Variants in CDH4 observed in about 807,000 individuals in gnomAD.
CDH4 encodes cadherin-4.
Under a neutral mutation model 86.0 loss-of-function variants are expected in CDH4, and 33 were observed. The observed-to-expected ratio is 0.38, with a 90% CI of 0.29 to 0.51. The LOEUF is 0.51. CDH4 is among the 20% of genes least tolerant of loss of function. The pLI, the probability that CDH4 is intolerant of heterozygous loss-of-function variation, is 0.86. For missense variants in CDH4, 1,114 were observed against 1,307.4 expected (o/e 0.85, Z 2.28); for synonymous variants, 555 against 549.4 (o/e 1.01, Z -0.14).
In CDH4 at chr20:61,519,909, A is replaced by G. The variant is rs140621104; in HGVS notation, c.170-223654A>G. On this transcript the variant is annotated intron_variant, in intron 2 of 15. Coordinates refer to ENST00000614565, the MANE Select transcript of CDH4 (RefSeq NM_001794.5). The stretch of plus-strand genomic sequence containing the variant: ...CCCACCTGAGACATGACTGCCTCGC[A>G]TTAGTGGTGCCCGCCGACTCTGCCC... Among the ~76,000 whole-genome samples the G allele has an allele frequency of 8.1e-3, 1,227 of 152,214 alleles. 18 individuals carry two copies. Among genetic ancestry groups the G allele is most frequent in the African/African-American group, 0.027 (1,130 of 41,540 alleles).
chr20:61,477,677 G>A (rs2085546678), intron 2 of CDH4, among the ~76,000 whole-genome samples: 1 of 152,202 alleles, frequency 6.6e-6, no homozygotes. Flanking sequence ...CCTCCCACAG[G>A]AGCCCATTCC....
At chr20:61,654,715 T>C (rs2087167974) in intron 2 of CDH4, among the ~76,000 whole-genome samples, 1 of 152,256 alleles carries the variant, frequency 6.6e-6, no homozygotes, top group Non-Finnish European at 1.5e-5. Flanking sequence ...CAAAGCAGGA[T>C]ACGAATTCTG....
intron 2 of CDH4, among the ~76,000 whole-genome samples, chr20:61,295,938 A>T (rs980148765): frequency 3.3e-5 from 5 of 152,202 alleles, no homozygotes; most frequent in African/African-American, 1.2e-4. Flanking sequence ...AGAGTGAGAA[A>T]GTGCCATGGG....
chr20:61,773,316 A>T, intron 4 of CDH4, 134 bp downstream of exon 4: 1 of 864,320 alleles, frequency 1.2e-6, no homozygotes, highest in Non-Finnish European at 1.7e-6. Flanking sequence ...TTCTGTAATG[A>T]GATAAGCCTT....
intron 2 of CDH4, among the ~76,000 whole-genome samples, chr20:61,713,847 C>T (rs1456046312): frequency 6.6e-6 from 1 of 152,148 alleles, no homozygotes; most frequent in East Asian, 1.9e-4. Flanking sequence ...TGTGGCTTTA[C>T]CAGTGACACC....
chr20:61,683,178 C>T lies in CDH4; in HGVS notation c.170-60385C>T, dbSNP rs6089472. On this transcript the variant is annotated intron_variant, in intron 2 of 15. Coordinates refer to ENST00000614565, the MANE Select transcript of CDH4 (RefSeq NM_001794.5). ...AGGCTGTGTGTGAATGTGCAGAGTACGGAGAAGTGCACGCAGCTGTACTCT... is the reference window on the plus strand; with the variant it reads ...AGGCTGTGTGTGAATGTGCAGAGTATGGAGAAGTGCACGCAGCTGTACTCT... Among the ~76,000 whole-genome samples, 1,197 of 152,152 alleles carry T rather than the reference C, an allele frequency of 7.9e-3. 15 individuals carry two copies. The highest frequency in any genetic ancestry group is 0.012 in the Non-Finnish European group (824 of 67,996).
intron 2 of CDH4, among the ~76,000 whole-genome samples, chr20:61,301,049 C>A (rs1220331128): frequency 6.6e-6 from 1 of 152,244 alleles, no homozygotes; most frequent in Non-Finnish European, 1.5e-5. Flanking sequence ...GCTCACGACT[C>A]TTACCTCGCA....
intron 2 of CDH4, chr20:61,499,591 A>T (rs2085686166): frequency 8.9e-7 from 1 of 1,129,338 alleles, no homozygotes; most frequent in Non-Finnish European, 1.2e-6. Context: ...GAGGTCACAC[A>T]GGGAGGAGGG....
intron 2 of CDH4, among the ~76,000 whole-genome samples, chr20:61,364,829 T>C (rs1600904154): frequency 6.6e-6 from 1 of 152,204 alleles, no homozygotes; most frequent in African/African-American, 2.4e-5. Context: ...CAAGATCCCT[T>C]GTGGCTTTCA....
chr20:61,454,358 G>T (rs973159083), intron 2 of CDH4, among the ~76,000 whole-genome samples: 1 of 152,204 alleles, frequency 6.6e-6, no homozygotes, highest in Non-Finnish European at 1.5e-5. Context: ...GTTGTGATGG[G>T]AGGGGCACCC....
chr20:61,837,795 C>G (rs1981948870), intron 4 of CDH4, among the ~76,000 whole-genome samples: 1 of 152,104 alleles, frequency 6.6e-6, no homozygotes, highest in Middle Eastern at 3.2e-3. Flanking sequence ...CACAATCCGC[C>G]CCAGCCTCCA....
At chr20:61,297,500 A>G (rs1453810956) in intron 2 of CDH4, among the ~76,000 whole-genome samples, 1 of 152,246 alleles carries the variant, frequency 6.6e-6, no homozygotes, top group East Asian at 1.9e-4. Context: ...CCATGAACAT[A>G]TCTCAGAGGC....
chr20:61,912,422 G>A (rs972600044), intron 9 of CDH4, among the ~76,000 whole-genome samples: 5 of 152,120 alleles, frequency 3.3e-5, no homozygotes, highest in African/African-American at 9.7e-5. Context: ...GCAAGCTAGT[G>A]AAGACCAGTT....
At chr20:61,714,031 A>ATT (rs1378684287) in intron 2 of CDH4, among the ~76,000 whole-genome samples, 1 of 135,600 alleles carries the variant, frequency 7.4e-6, no homozygotes, top group Non-Finnish European at 1.5e-5. Flanking sequence ...TTTTTATTTT[A>ATT]TTTTATTTTA....
At chr20:61,457,608 G>A (rs867212592) in intron 2 of CDH4, among the ~76,000 whole-genome samples, 2 of 152,152 alleles carry the variant, frequency 1.3e-5, no homozygotes, top group Non-Finnish European at 2.9e-5. Flanking sequence ...GATCATGATG[G>A]TGCTGACAGT....
intron 2 of CDH4, among the ~76,000 whole-genome samples, chr20:61,456,542 AT>A (rs2085407791): frequency 6.6e-6 from 1 of 152,248 alleles, no homozygotes; most frequent in South Asian, 2.1e-4. Flanking sequence ...CAGCTCCCAC[AT>A]CAATAAATAA....
chr20:61,527,896 C>T (rs556623903), intron 2 of CDH4, among the ~76,000 whole-genome samples: 4 of 152,180 alleles, frequency 2.6e-5, no homozygotes, highest in African/African-American at 7.2e-5. Flanking sequence ...CCCGGGGCAC[C>T]GGCGCTCACC....
chr20:61,836,803 C>A (rs1250544435), intron 4 of CDH4, among the ~76,000 whole-genome samples: 1 of 152,212 alleles, frequency 6.6e-6, no homozygotes, highest in Admixed American at 6.5e-5. Flanking sequence ...TTTGCATCAA[C>A]CTGGAAGAAT....
chr20:61,401,320 C>T (rs1405528098), intron 2 of CDH4, among the ~76,000 whole-genome samples: 2 of 152,216 alleles, frequency 1.3e-5, no homozygotes, highest in Non-Finnish European at 2.9e-5. Context: ...GGTTCTGTGC[C>T]TGGTACATTG....
Sources: gnomAD v4.1 joint callset for allele counts (sites outside exome capture counted in the v4.1 genomes callset) on GRCh38, gnomAD v4.1.1 for gene constraint, MANE v1.5 for transcripts, NCBI Gene and HGNC (gene_info 2026-07-23, HGNC 2026-07-21) for gene names.